SF3A3: variants seen among roughly 807,000 people sequenced by gnomAD.
SF3A3 encodes splicing factor 3a subunit 3.
SF3A3 carries 9 observed loss-of-function variants against 85.8 expected under a neutral mutation model. The ratio of observed to expected loss-of-function variants is 0.10; its 90% CI spans 0.06 to 0.18. The LOEUF is 0.18. SF3A3 is among the 10% of genes least tolerant of loss of function. The pLI, the probability that SF3A3 is intolerant of heterozygous loss-of-function variation, is 1.00. For synonymous variants in SF3A3, 195 were observed against 204.4 expected (o/e 0.95, Z 0.39); for missense variants, 306 against 593.3 (o/e 0.52, Z 5.03).
intron 8 of SF3A3, 36 bp downstream of exon 8, chr1:37,980,550 T>C (rs770443437): frequency 6.2e-7 from 1 of 1,605,782 alleles, no homozygotes; most frequent in South Asian, 1.1e-5. Context: ...TTCAATTCCC[T>C]GGCATGTCCA....
intron 7 of SF3A3, 118 bp from the exon 8 acceptor site, chr1:37,980,842 T>TTC (rs1646413512): frequency 1.3e-4 from 1 of 7,410 alleles, no homozygotes; most frequent in Non-Finnish European, 2.9e-4. Context: ...TTTAATACTC[T>TTC]TTTTTTTTTT....
At chr1:37,987,895 C>T (rs1200440849) in intron 2 of SF3A3, 59 bp from the exon 3 acceptor site, 2 of 1,407,136 alleles carry the variant, frequency 1.4e-6, no homozygotes, top group Non-Finnish European at 2.0e-6. Flanking sequence ...TAGAGCTAAG[C>T]AAACAACAAG....
At position 37,979,565 on chromosome 1, in the gene SF3A3, C is replaced by A. The variant is rs573152358; in HGVS notation, c.691-32G>T. On this transcript the variant is annotated intron_variant, in intron 8 of 16. Transcript: ENST00000373019. ...AGAACAATATGGTATTTATTAAGAT[C>A]CAGGTTTAGGCCAGGTGTGGTGGCT... The A allele has an allele frequency of 5.1e-6, 8 of 1,576,976 alleles. No individual in the cohort carries two copies. The East Asian group carries it at 1.6e-4, about 31-fold the overall frequency.
At chr1:37,985,412 GTTTTT>G (rs11363172) in intron 4 of SF3A3, among the ~76,000 whole-genome samples, 1 of 150,842 alleles carries the variant, frequency 6.6e-6, no homozygotes. Flanking sequence ...ACCTGGGGGA[GTTTTT>G]TTTTTAAATC....
At chr1:37,980,800 T>G (rs1431872056) in intron 7 of SF3A3, 76 bp from the exon 8 acceptor site, 26 of 1,113,168 alleles carry the variant, frequency 2.3e-5, no homozygotes, top group Admixed American at 9.7e-5. Flanking sequence ...CTGCAGAATA[T>G]AAAGTACTTA....
chr1:37,969,630 C>T lies in SF3A3; in HGVS notation c.1111G>A (p.Asp371Asn). The change falls in exon 13 of 17, where the codon GAT becomes AAT. Residue 371 changes from aspartate to asparagine, a missense_variant. Around this residue, in one of 4 missense-constraint regions of SF3A3, gnomAD observed 136 missense variants for 296.6 expected, o/e 0.46. Transcript: ENST00000373019. ...EEQISESESE[D>N]EENEIIYNPK... Reference sequence around the variant, plus strand: ...TTGTAAATGATCTCGTTCTCTTCATCTTCACTCTCACTCTCACTGATCTGC... The same window carrying T: ...TTGTAAATGATCTCGTTCTCTTCATTTTCACTCTCACTCTCACTGATCTGC... 2 of 1,614,094 alleles carry T rather than the reference C, an allele frequency of 1.2e-6. No homozygotes were observed. The highest frequency in any genetic ancestry group is 8.5e-7 in the Non-Finnish European group (1 of 1,179,952).
intron 4 of SF3A3, among the ~76,000 whole-genome samples, 179 bp downstream of exon 4, chr1:37,987,394 G>C (rs1011906324): frequency 2.6e-5 from 4 of 152,202 alleles, no homozygotes; most frequent in African/African-American, 9.7e-5. Context: ...TGGCTTAAAA[G>C]CTGAGGGAGA....
At chr1:37,989,745 C>A in intron 1 of SF3A3, 125 bp downstream of exon 1, 1 of 1,213,502 alleles carries the variant, frequency 8.2e-7, no homozygotes, top group South Asian at 1.3e-5. Context: ...TTACCAAGAC[C>A]GGAGCTCGGA....
chr1:37,968,857 G>A (rs998932342), intron 14 of SF3A3, among the ~76,000 whole-genome samples: 13 of 152,076 alleles, frequency 8.5e-5, no homozygotes, highest in African/African-American at 3.1e-4. Context: ...TCTAAGTAGA[G>A]CCCACTTAGA....
intron 16 of SF3A3, 28 bp from the exon 17 acceptor site, chr1:37,958,291 G>C (rs751814675): frequency 1.5e-5 from 22 of 1,500,110 alleles, no homozygotes; most frequent in Middle Eastern, 1.7e-4. Context: ...CACTTTGTTA[G>C]ACAGCTCTCC....
intron 15 of SF3A3, among the ~76,000 whole-genome samples, chr1:37,961,809 C>T (rs1160582824): frequency 1.4e-5 from 2 of 138,134 alleles, no homozygotes; most frequent in African/African-American, 2.7e-5. Flanking sequence ...AGGCCGGGCG[C>T]GGTGTCTCAC....
At chr1:37,981,590 A>G in intron 7 of SF3A3, 139 bp downstream of exon 7, 1 of 679,860 alleles carries the variant, frequency 1.5e-6, no homozygotes, top group Non-Finnish European at 2.6e-6. Context: ...CACATCATTC[A>G]TAACCCCATC....
rs1328376965 is a variant in SF3A3, at chr1:37,987,622, T to G, written c.254A>C (p.Tyr85Ser). 1 of 1,614,034 alleles carries G rather than the reference T, an allele frequency of 6.2e-7. No individual in the cohort carries two copies. Among genetic ancestry groups the G allele is most frequent in the African/African-American group, 1.3e-5 (1 of 74,940 alleles). The change falls in exon 4 of 17, where the codon TAT becomes TCT. Residue 85 changes from tyrosine to serine, a missense_variant. This residue lies in a region of SF3A3 where 152 missense variants were observed against 192.0 expected (regional missense o/e 0.79). Transcript: ENST00000373019. ...ISGPNEFAEF[Y>S]NRLKQIKEFH... ...TTCCTTTATTTGCTTGAGTCTATTA[T>G]AGAATTCAGCAAACTCATTGGGTCC...
intron 4 of SF3A3, among the ~76,000 whole-genome samples, chr1:37,985,008 A>T (rs41312633): frequency 0.029 from 4,350 of 152,242 alleles, 175 homozygotes; most frequent in African/African-American, 0.089. Flanking sequence ...GGGTTTTGCC[A>T]TGTTGCCCAG....
At chr1:37,964,726 G>C (rs563263804) in intron 15 of SF3A3, among the ~76,000 whole-genome samples, 1 of 152,364 alleles carries the variant, frequency 6.6e-6, no homozygotes, top group African/African-American at 2.4e-5. Flanking sequence ...AAGCCTGGCG[G>C]TGGTCCTCTA....
At chr1:37,969,238 T>C in intron 14 of SF3A3, 116 bp downstream of exon 14, 1 of 735,484 alleles carries the variant, frequency 1.4e-6, no homozygotes, top group Non-Finnish European at 2.3e-6. Context: ...ACCATCCTTC[T>C]CTGATTCCCT....
chr1:37,961,420 A>C (rs1388745001), intron 15 of SF3A3, among the ~76,000 whole-genome samples: 4 of 151,872 alleles, frequency 2.6e-5, no homozygotes, highest in Admixed American at 2.6e-4. Flanking sequence ...CCCCACCTCT[A>C]CTACAAATAC....
chr1:37,971,081 T>G (rs891519504), intron 12 of SF3A3, among the ~76,000 whole-genome samples: 3 of 151,952 alleles, frequency 2.0e-5, no homozygotes, highest in Non-Finnish European at 2.9e-5. Flanking sequence ...GCTGGTTTTT[T>G]GAAAAGATCA....
At chr1:37,982,518 G>A (rs559368788) in intron 6 of SF3A3, among the ~76,000 whole-genome samples, 21 of 152,050 alleles carry the variant, frequency 1.4e-4, no homozygotes, top group Admixed American at 1.2e-3. Context: ...TTACAGGCAT[G>A]AGCCACCATG....
Sources: allele counts gnomAD v4.1 joint callset (sites outside exome capture counted in the v4.1 genomes callset), GRCh38; gene constraint gnomAD v4.1.1; regional missense constraint gnomAD v4.1.1; transcripts MANE v1.5; gene names NCBI Gene and HGNC (gene_info 2026-07-23, HGNC 2026-07-21).